Variants in SLC24A2 observed in about 807,000 individuals in gnomAD.
SLC24A2 encodes the protein sodium/potassium/calcium exchanger 2.
Under a neutral mutation model 62.0 loss-of-function variants are expected in SLC24A2, and 36 were observed. The ratio of observed to expected loss-of-function variants is 0.58; its 90% confidence interval spans 0.44 to 0.77. The LOEUF (loss-of-function observed/expected upper bound fraction) is 0.77, where lower values mean the gene tolerates loss of function less well. Among genes scored for constraint, SLC24A2 ranks in the 30% least tolerant of loss-of-function variants. The probability of loss-of-function intolerance (pLI) is 0.00; values close to 1 mark genes in which losing one functional copy is unlikely to be tolerated. For synonymous variants in SLC24A2, 358 were observed against 294.0 expected, an observed-to-expected ratio of 1.22 and a Z score of -2.23; for missense variants, 846 against 817.9, an observed-to-expected ratio of 1.03 and a Z score of -0.42.
chr9:19,659,278 T>G (rs1819026289), intron 2 of SLC24A2, among the ~76,000 whole-genome samples: 2 of 152,160 alleles, frequency 1.3e-5, no homozygotes, highest in African/African-American at 2.4e-5. Context: ...ATTGATTCCC[T>G]TACAGGTTTC....
At chr9:19,876,499 T>A in the SLC24A2 span, among the ~76,000 whole-genome samples, 3 of 152,024 alleles carry the variant, frequency 2.0e-5, no homozygotes, top group Admixed American at 2.0e-4. Flanking sequence ...ACAGCCTTCT[T>A]CTGGTTAAGT....
At chr9:19,646,726 C>T (rs1818647182) in intron 2 of SLC24A2, among the ~76,000 whole-genome samples, 1 of 152,116 alleles carries the variant, frequency 6.6e-6, no homozygotes, top group African/African-American at 2.4e-5. Flanking sequence ...ACTTCCTTGG[C>T]ATGTTTAGAG....
At chr9:19,704,127 T>C (rs552709037) in intron 2 of SLC24A2, among the ~76,000 whole-genome samples, 55 of 147,598 alleles carry the variant, frequency 3.7e-4, no homozygotes, top group African/African-American at 1.3e-3. Context: ...GACCAATATT[T>C]TCACCTATAC....
chr9:19,878,264 C>T, the SLC24A2 span, among the ~76,000 whole-genome samples: 1 of 152,040 alleles, frequency 6.6e-6, no homozygotes, highest in Admixed American at 6.6e-5. Context: ...ACTTTGAGGC[C>T]AATAGGAAAT....
chr9:20,164,730 C>A, the SLC24A2 span, among the ~76,000 whole-genome samples: 108 of 151,616 alleles, frequency 7.1e-4, no homozygotes, highest in African/African-American at 2.1e-3. Flanking sequence ...ACTTGGAACC[C>A]ACCCAAATGT....
chr9:20,261,431 G>A, the SLC24A2 span, among the ~76,000 whole-genome samples: 1 of 152,126 alleles, frequency 6.6e-6, no homozygotes, highest in Non-Finnish European at 1.5e-5. Context: ...TGTGTAAAAA[G>A]AAGAGTGCCA....
the SLC24A2 span, among the ~76,000 whole-genome samples, chr9:20,152,451 G>C: frequency 6.6e-6 from 1 of 151,876 alleles, no homozygotes; most frequent in Non-Finnish European, 1.5e-5. Context: ...AGACTGTGTA[G>C]TAAATGTGCT....
intron 2 of SLC24A2, among the ~76,000 whole-genome samples, chr9:19,633,781 T>G (rs554752814): frequency 5.3e-5 from 8 of 152,342 alleles, no homozygotes; most frequent in Non-Finnish European, 8.8e-5. Context: ...CATTTTCTAA[T>G]TGGATTGTTT....
chr9:20,300,887 A>T, the SLC24A2 span, among the ~76,000 whole-genome samples: 1 of 152,246 alleles, frequency 6.6e-6, no homozygotes, highest in African/African-American at 2.4e-5. Flanking sequence ...AAAAGCAGGG[A>T]CATTTGCCTG....
intron 7 of SLC24A2, among the ~76,000 whole-genome samples, chr9:19,567,450 G>A (rs1835700323): frequency 6.6e-6 from 1 of 150,464 alleles, no homozygotes; most frequent in African/African-American, 2.4e-5. Flanking sequence ...GGAGGCTGAG[G>A]CAGGAGAATG....
the SLC24A2 span, among the ~76,000 whole-genome samples, chr9:19,861,426 C>G: frequency 1.3e-5 from 2 of 152,100 alleles, no homozygotes; most frequent in Admixed American, 6.6e-5. Flanking sequence ...ATCCTAATGC[C>G]CAAGTCCTTT....
intron 2 of SLC24A2, among the ~76,000 whole-genome samples, chr9:19,769,858 T>G (rs1434636537): frequency 2.0e-5 from 3 of 152,022 alleles, no homozygotes; most frequent in Non-Finnish European, 1.5e-5. Context: ...CTGTCTACAC[T>G]TGTGTCTGTG....
the SLC24A2 span, among the ~76,000 whole-genome samples, chr9:20,081,809 TG>T: frequency 5.3e-5 from 8 of 152,076 alleles, no homozygotes; most frequent in Admixed American, 4.6e-4. Flanking sequence ...TATCATTGGG[TG>T]GGGATGGAAA....
At chr9:20,228,666 C>A in the SLC24A2 span, among the ~76,000 whole-genome samples, 1 of 151,980 alleles carries the variant, frequency 6.6e-6, no homozygotes, top group African/African-American at 2.4e-5. Context: ...AGGAAGAGGT[C>A]AAGTCCTAGA....
chr9:20,215,722 T>G, the SLC24A2 span, among the ~76,000 whole-genome samples: 2 of 152,182 alleles, frequency 1.3e-5, no homozygotes, highest in Admixed American at 6.5e-5. Context: ...GGCTTTTGTC[T>G]GCCAGCACCT....
At chr9:19,530,316 T>G (rs1350252711) in intron 8 of SLC24A2, among the ~76,000 whole-genome samples, 4 of 152,068 alleles carry the variant, frequency 2.6e-5, no homozygotes, top group Non-Finnish European at 4.4e-5. Flanking sequence ...GTCACGTGTG[T>G]GATTAGAGCC....
chr9:20,019,720 T>C, the SLC24A2 span, among the ~76,000 whole-genome samples: 1 of 151,864 alleles, frequency 6.6e-6, no homozygotes, highest in Admixed American at 6.6e-5. Context: ...AATTGACAAA[T>C]GGGATCTAAT....
chr9:19,640,533 G>C (rs1003342241), intron 2 of SLC24A2, among the ~76,000 whole-genome samples: 1 of 152,024 alleles, frequency 6.6e-6, no homozygotes, highest in Non-Finnish European at 1.5e-5. Context: ...TGAGATGAAT[G>C]TCTCACTTTG....
the SLC24A2 span, among the ~76,000 whole-genome samples, chr9:20,219,392 G>A: frequency 1.3e-5 from 2 of 152,180 alleles, no homozygotes; most frequent in African/African-American, 4.8e-5. Flanking sequence ...AAAGCAAAGA[G>A]TGAGACCTTC....
Sources: allele counts gnomAD v4.1 joint callset (sites outside exome capture counted in the v4.1 genomes callset), GRCh38; gene constraint gnomAD v4.1.1; transcripts MANE v1.5; gene names NCBI Gene and HGNC (gene_info 2026-07-23, HGNC 2026-07-21).